Variants in CRYZ observed in about 807,000 individuals in gnomAD.
CRYZ encodes the protein crystallin zeta.
A neutral mutation model predicts 34.1 loss-of-function variants in CRYZ; 35 were observed. That is an observed-to-expected ratio of 1.03 (90% CI 0.78 to 1.36). The LOEUF is 1.36. Ranked by LOEUF, CRYZ falls within the 40% of genes most tolerant of loss-of-function variation. The pLI, the probability that CRYZ is intolerant of heterozygous loss-of-function variation, is 0.00. For synonymous variants in CRYZ, 137 were observed against 136.5 expected (o/e 1.00, Z -0.03); for missense variants, 403 against 391.8 (o/e 1.03, Z -0.24).
chr1:74,711,665 C>T (rs899951976), intron 5 of CRYZ, among the ~76,000 whole-genome samples: 5 of 152,044 alleles, frequency 3.3e-5, no homozygotes, highest in Non-Finnish European at 4.4e-5. Context: ...GCAGGAGGAT[C>T]GCTTGGGCCC....
intron 3 of CRYZ, among the ~76,000 whole-genome samples, chr1:74,722,715 A>G (rs115456471): frequency 0.018 from 2,698 of 152,158 alleles, 81 homozygotes; most frequent in African/African-American, 0.062. Flanking sequence ...CTTATTTTTC[A>G]AAAGAATTAA....
chr1:74,728,725 A>G (rs1647520741), intron 1 of CRYZ, among the ~76,000 whole-genome samples: 1 of 152,214 alleles, frequency 6.6e-6, no homozygotes, highest in African/African-American at 2.4e-5. Context: ...GAAGTTCTTG[A>G]TATAATTAAT....
At chr1:74,709,541 A>AG (rs776276368) in intron 6 of CRYZ, among the ~76,000 whole-genome samples, 4 of 152,220 alleles carry the variant, frequency 2.6e-5, no homozygotes, top group Non-Finnish European at 5.9e-5. Flanking sequence ...CAAAGCAATA[A>AG]GTGTTTAGCA....
chr1:74,728,051 T>C (rs190562749), intron 1 of CRYZ, among the ~76,000 whole-genome samples: 8 of 152,304 alleles, frequency 5.3e-5, no homozygotes, highest in African/African-American at 1.7e-4. Context: ...TTAGGGAATA[T>C]AAAAATCTCA....
At position 74,706,242 on chromosome 1, in the gene CRYZ, T is replaced by C; in HGVS notation, c.*54A>G. On this transcript the variant is annotated 3_prime_UTR_variant, in exon 9 of 9. Transcript: ENST00000340866. ...AAAGAAAAGATAGGGTAAGTACAAC[T>C]GGGGGAAAGACAGTACCTCTAATTA... 7.0e-7 allele frequency: 1 copy of C among 1,421,418 alleles called. No individual in the cohort carries two copies. The highest frequency in any genetic ancestry group is 2.4e-5 in the Admixed American group (1 of 42,140). 88.1% of individuals were successfully genotyped at this position (1,421,418 alleles called of 1,614,324 possible).
chr1:74,706,512 C>T, intron 8 of CRYZ, 55 bp from the exon 9 acceptor site: 9 of 1,495,948 alleles, frequency 6.0e-6, no homozygotes, highest in African/African-American at 1.4e-5. Flanking sequence ...ATTTAATTTT[C>T]AGAAGCATTA....
At chr1:74,710,586 C>A (rs1477449412) in intron 5 of CRYZ, among the ~76,000 whole-genome samples, 1 of 152,166 alleles carries the variant, frequency 6.6e-6, no homozygotes, top group Non-Finnish European at 1.5e-5. Flanking sequence ...AGGAGTTAGA[C>A]CAGTCTGACT....
At chr1:74,719,485 G>T in intron 3 of CRYZ, 113 bp from the exon 4 acceptor site, 1 of 953,328 alleles carries the variant, frequency 1.0e-6, no homozygotes, top group African/African-American at 1.6e-5. Context: ...TCCTCTATAG[G>T]GTCTCATATA....
At chr1:74,709,707 C>G (rs1176924410) in intron 6 of CRYZ, among the ~76,000 whole-genome samples, 1 of 152,182 alleles carries the variant, frequency 6.6e-6, no homozygotes, top group Non-Finnish European at 1.5e-5. Context: ...CTGGGCCACA[C>G]AGATCCAGTT....
At position 74,719,629 on chromosome 1, in the gene CRYZ, A is replaced by G. The variant is rs1403649522; in HGVS notation, c.265-257T>C. 2.6e-5 allele frequency among the ~76,000 whole-genome samples: 4 copies of G among 151,532 alleles called. No individual in the cohort carries two copies. The East Asian group carries it at 5.8e-4, about 22-fold the overall frequency. ...TCCTGCCTCAGCCTCCTGAGTAGCT[A>G]GGATTACAGGCGCGCACCACCACAC... On this transcript the variant is annotated intron_variant, in intron 3 of 8. Coordinates refer to ENST00000340866, the MANE Select transcript of CRYZ (RefSeq NM_001889.4).
intron 4 of CRYZ, among the ~76,000 whole-genome samples, chr1:74,718,864 C>T (rs1260069095): frequency 6.6e-6 from 1 of 152,104 alleles, no homozygotes; most frequent in Non-Finnish European, 1.5e-5. Context: ...TTACACCTTG[C>T]CAGGAAGCCC....
At chr1:74,712,989 C>A (rs1647024867) in intron 5 of CRYZ, among the ~76,000 whole-genome samples, 1 of 152,116 alleles carries the variant, frequency 6.6e-6, no homozygotes, top group Admixed American at 6.6e-5. Context: ...TTCATAAATT[C>A]CACACCATTT....
intron 1 of CRYZ, among the ~76,000 whole-genome samples, chr1:74,729,478 C>CA (rs5775262): frequency 0.63 from 77,719 of 123,822 alleles, 24,135 homozygotes; most frequent in Admixed American, 0.74. Flanking sequence ...GCCATCTCTA[C>CA]AAAAAAAAAA....
At chr1:74,722,137 A>G (rs972902720) in intron 3 of CRYZ, among the ~76,000 whole-genome samples, 2 of 152,184 alleles carry the variant, frequency 1.3e-5, no homozygotes, top group Non-Finnish European at 2.9e-5. Flanking sequence ...ATAGAGACTG[A>G]GAGCCCCAGA....
chr1:74,726,582 C>A (rs990976720), intron 1 of CRYZ, among the ~76,000 whole-genome samples: 4 of 152,290 alleles, frequency 2.6e-5, no homozygotes, highest in Admixed American at 2.6e-4. Context: ...CTGACATGCC[C>A]TGGAGACATT....
At position 74,731,032 on chromosome 1, in the gene CRYZ, C is replaced by G. The variant is rs369150435; in HGVS notation, c.-14+1924G>C. Among the ~76,000 whole-genome samples the G allele has an allele frequency of 6.9e-4, 105 of 152,278 alleles. 1 individual carries two copies. The highest frequency in any genetic ancestry group is 6.6e-3 in the South Asian group (32 of 4,820). ...ATCCTTGTGAACAGGACAGGCCTTTCCATTGCTTGTGCTTTTTAATTAAAC... is the reference window on the plus strand; with the variant it reads ...ATCCTTGTGAACAGGACAGGCCTTTGCATTGCTTGTGCTTTTTAATTAAAC... On this transcript the variant is annotated intron_variant, in intron 1 of 8. Transcript: ENST00000340866.
At chr1:74,718,645 CCTT>C (rs1360455318) in intron 4 of CRYZ, among the ~76,000 whole-genome samples, 1 of 152,090 alleles carries the variant, frequency 6.6e-6, no homozygotes, top group African/African-American at 2.4e-5. Flanking sequence ...TGTCCTCTCT[CCTT>C]CTAGTTACCC....
chr1:74,719,404 A>C, intron 3 of CRYZ, 32 bp from the exon 4 acceptor site: 1 of 1,579,700 alleles, frequency 6.3e-7, no homozygotes, highest in Non-Finnish European at 8.7e-7. Context: ...TAAATGCAGG[A>C]AGACTAAACA....
intron 1 of CRYZ, among the ~76,000 whole-genome samples, chr1:74,727,234 G>C (rs1429247578): frequency 1.4e-5 from 1 of 71,626 alleles, no homozygotes; most frequent in Admixed American, 1.7e-4. Context: ...ATATGGCTAT[G>C]AAGAAACACC....
Sources: gnomAD v4.1 joint callset for allele counts (sites outside exome capture counted in the v4.1 genomes callset) on GRCh38, gnomAD v4.1.1 for gene constraint, MANE v1.5 for transcripts, NCBI Gene and HGNC (gene_info 2026-07-23, HGNC 2026-07-21) for gene names.